Variants in SHQ1 observed in about 807,000 individuals in gnomAD.
SHQ1 encodes the protein SHQ1, H/ACA ribonucleoprotein assembly factor.
Under a neutral mutation model 53.8 loss-of-function variants are expected in SHQ1, and 49 were observed. That is an observed-to-expected ratio of 0.91 (90% CI 0.72 to 1.16). The LOEUF (loss-of-function observed/expected upper bound fraction) is 1.16. SHQ1 is among the 50% of genes most tolerant of loss of function. The probability of loss-of-function intolerance (pLI) is 0.00; values close to 1 mark genes in which losing one functional copy is unlikely to be tolerated. For synonymous variants in SHQ1, 243 were observed against 251.0 expected, an observed-to-expected ratio of 0.97 and a Z score of 0.30; for missense variants, 738 against 683.1, an observed-to-expected ratio of 1.08 and a Z score of -0.90.
chr3:72,772,811 C>A, intron 10 of SHQ1: 1 of 766,698 alleles, frequency 1.3e-6, no homozygotes, highest in South Asian at 1.4e-5. Context: ...TTGGATGCAA[C>A]TGAAAACTCA....
the SHQ1 span, among the ~76,000 whole-genome samples, chr3:72,729,023 T>C: frequency 6.6e-6 from 1 of 152,244 alleles, no homozygotes; most frequent in Admixed American, 6.5e-5. Flanking sequence ...ACGTCCCATC[T>C]GTTCTTCCCC....
At chr3:72,746,448 T>C (rs1705260802), downstream of SHQ1, among the ~76,000 whole-genome samples, 1 of 152,346 alleles carries the variant, frequency 6.6e-6, no homozygotes, top group Non-Finnish European at 1.5e-5. Flanking sequence ...TTTGGGTTAC[T>C]GAGCTAGTGT....
In SHQ1 at chr3:72,812,732, G is replaced by A; in HGVS notation, c.999C>T (p.Leu333=). Reference sequence around the variant, plus strand: ...TCATCACCAGCTTGAAATGGCGATAGAGTGGGTAACACAACACCCTTCTTC... The same window carrying A: ...TCATCACCAGCTTGAAATGGCGATAAAGTGGGTAACACAACACCCTTCTTC... ...SFGRRVLCYP[L]YRHFKLVMKA... The change falls in exon 9 of 11, where the codon CTC becomes CTT. Residue 333 remains leucine, a synonymous_variant. Coordinates refer to ENST00000325599, the MANE Select transcript of SHQ1 (RefSeq NM_018130.3). 6.2e-7 allele frequency: 1 copy of A among 1,614,046 alleles called. No individual in the cohort carries two copies. Among genetic ancestry groups the A allele is most frequent in the Non-Finnish European group, 8.5e-7 (1 of 1,179,972 alleles).
chr3:72,753,587 A>T (rs140319435), intron 10 of SHQ1: 1 of 985,264 alleles, frequency 1.0e-6, no homozygotes, highest in South Asian at 4.7e-5. Flanking sequence ...AAGGGCAGTC[A>T]CCATCGTTGA....
At position 72,750,236 on chromosome 3, in the gene SHQ1, A is replaced by G. The variant is rs1308804927; in HGVS notation, c.*48T>C. On this transcript the variant is annotated 3_prime_UTR_variant, in exon 11 of 11. Coordinates refer to ENST00000325599, the MANE Select transcript of SHQ1 (RefSeq NM_018130.3). ...ATGAAGAATTCTCATTCGGTAAATG[A>G]AACCCAATCTACCATATTTCTCAAC... 2 of 1,406,088 alleles carry G rather than the reference A, an allele frequency of 1.4e-6. No homozygotes were observed. The highest frequency in any genetic ancestry group is 1.9e-6 in the Non-Finnish European group (2 of 1,026,242). 87.1% of individuals were successfully genotyped at this position (1,406,088 alleles called of 1,614,324 possible).
intron 10 of SHQ1, among the ~76,000 whole-genome samples, chr3:72,752,755 C>T (rs1705415240): frequency 1.3e-5 from 2 of 152,142 alleles, no homozygotes; most frequent in African/African-American, 2.4e-5. Flanking sequence ...TCTTCATCTC[C>T]TGACCTCGTG....
At chr3:72,807,175 C>A (rs535471101) in intron 9 of SHQ1, among the ~76,000 whole-genome samples, 1 of 152,318 alleles carries the variant, frequency 6.6e-6, no homozygotes, top group Non-Finnish European at 1.5e-5. Flanking sequence ...GAGGCTCCCA[C>A]AGTAGGAAGT....
At chr3:72,830,340 C>T (rs1032913734) in intron 5 of SHQ1, among the ~76,000 whole-genome samples, 1 of 151,880 alleles carries the variant, frequency 6.6e-6, no homozygotes, top group Non-Finnish European at 1.5e-5. Context: ...ACAAGTCAAA[C>T]AACTTACAAA....
intron 10 of SHQ1, chr3:72,753,264 A>T: frequency 1.0e-6 from 1 of 985,456 alleles, no homozygotes; most frequent in South Asian, 4.7e-5. Flanking sequence ...GACAAACTGG[A>T]TGACGGTGAG....
chr3:72,788,512 C>G (rs1010545559), intron 10 of SHQ1, among the ~76,000 whole-genome samples: 1 of 152,254 alleles, frequency 6.6e-6, no homozygotes, highest in East Asian at 1.9e-4. Context: ...GGGGGCGCCT[C>G]TGCCCTGCCG....
chr3:72,736,513 G>A, the SHQ1 span, among the ~76,000 whole-genome samples: 3 of 151,626 alleles, frequency 2.0e-5, no homozygotes, highest in East Asian at 5.8e-4. Flanking sequence ...AGTTTGGGCT[G>A]GGCACGGTGG....
intron 5 of SHQ1, among the ~76,000 whole-genome samples, chr3:72,828,151 G>A (rs1460340275): frequency 1.3e-5 from 2 of 152,256 alleles, no homozygotes; most frequent in East Asian, 1.9e-4. Flanking sequence ...ACTCACTTCT[G>A]CCCTTAAGGA....
the SHQ1 span, among the ~76,000 whole-genome samples, chr3:72,730,746 C>G: frequency 6.6e-6 from 1 of 152,182 alleles, no homozygotes; most frequent in Admixed American, 6.5e-5. Context: ...AGTACACACA[C>G]CTTCATCCAG....
intron 10 of SHQ1, among the ~76,000 whole-genome samples, chr3:72,784,824 T>A (rs559669858): frequency 6.6e-6 from 1 of 152,300 alleles, no homozygotes; most frequent in South Asian, 2.1e-4. Context: ...TGTAGATTTA[T>A]TATAAACATC....
intron 4 of SHQ1, among the ~76,000 whole-genome samples, chr3:72,833,527 T>TGATAGATA (rs1553698068): frequency 4.5e-5 from 6 of 133,308 alleles, no homozygotes; most frequent in Admixed American, 1.6e-4. Context: ...GATAGATGGA[T>TGATAGATA]GATAGACAGA....
chr3:72,804,446 G>T (rs1178637021), intron 9 of SHQ1, among the ~76,000 whole-genome samples: 1 of 106,318 alleles, frequency 9.4e-6, no homozygotes, highest in Non-Finnish European at 1.9e-5. Context: ...CCCTCCGAAA[G>T]GCCCCAATGG....
Position 72,824,497 on chromosome 3 carries a change from C to T in SHQ1, c.654G>A (p.Trp218Ter). The change falls in exon 6 of 11, where the codon TGG becomes TGA. Residue 218 changes from tryptophan to a stop codon, truncating the protein, a stop_gained. Coordinates refer to ENST00000325599, the MANE Select transcript of SHQ1 (RefSeq NM_018130.3). LOFTEE classifies it high-confidence loss of function. The stretch of plus-strand genomic sequence containing the variant: ...TCATTTTTGAATATTTGTCAGTCCA[C>T]CAAGGATTATACTTCAAAATCTGTT... Reference protein sequence around the residue: ...AIEQILKYNPWWTDKYSKMMA... With the variant: ...AIEQILKYNP 1 of 1,612,892 alleles carries T rather than the reference C, an allele frequency of 6.2e-7. No individual in the cohort carries two copies. Among genetic ancestry groups the T allele is most frequent in the South Asian group, 1.1e-5 (1 of 90,826 alleles).
At chr3:72,789,430 C>G (rs1706366960) in intron 10 of SHQ1, among the ~76,000 whole-genome samples, 1 of 151,926 alleles carries the variant, frequency 6.6e-6, no homozygotes, top group Non-Finnish European at 1.5e-5. Context: ...CCAGTATGGC[C>G]CATGGAAGCC....
Position 72,846,352 on chromosome 3 carries a change from TAGCG to T in SHQ1, c.143+1842_143+1845del, listed in dbSNP as rs1461166535. The T allele has an allele frequency of 2.7e-6, 4 of 1,508,372 alleles. No individual in the cohort carries two copies. The African/African-American group carries it at 5.6e-5, about 21-fold the overall frequency. The allele number at this position is 1,508,372 out of a possible 1,614,324, so 93.4% of individuals were successfully genotyped here. A position where few individuals can be genotyped will look rare whatever the true frequency, so the allele number is the denominator to read the frequency against. On this transcript the variant is annotated intron_variant, in intron 1 of 10. Transcript: ENST00000325599. ...CTCTGTTACTCAGGCTGGAGTGCGA[TAGCG>T]CAATCTTGGCTCACTGCAACCTTCG...
Sources: gnomAD v4.1 joint callset for allele counts (sites outside exome capture counted in the v4.1 genomes callset) on GRCh38, gnomAD v4.1.1 for gene constraint, MANE v1.5 for transcripts, NCBI Gene and HGNC (gene_info 2026-07-23, HGNC 2026-07-21) for gene names.